LPP: variants seen among roughly 807,000 people sequenced by gnomAD.
LPP encodes lipoma-preferred partner.
LPP carries 38 observed loss-of-function variants against 60.4 expected under a neutral mutation model. The ratio of observed to expected loss-of-function variants is 0.63; its 90% CI spans 0.49 to 0.83. The LOEUF is 0.83. Ranked by LOEUF, LPP falls within the 40% of genes least tolerant of loss-of-function variation. The pLI is 0.00. For synonymous variants in LPP, 328 were observed against 290.8 expected (o/e 1.13, Z -1.30); for missense variants, 902 against 783.6 (o/e 1.15, Z -1.80).
chr3:188,351,528 A>G (rs914707595), intron 3 of LPP, among the ~76,000 whole-genome samples: 1 of 152,302 alleles, frequency 6.6e-6, no homozygotes, highest in Non-Finnish European at 1.5e-5. Context: ...GCTGTATTAA[A>G]CAGATGGAAA....
chr3:188,495,178 A>T (rs75071169), intron 5 of LPP, among the ~76,000 whole-genome samples: 2 of 7,744 alleles, frequency 2.6e-4, no homozygotes, highest in East Asian at 0.029. Flanking sequence ...ATATTTATAA[A>T]TATATAATAT....
chr3:188,727,597 C>A (rs2889906), intron 8 of LPP, among the ~76,000 whole-genome samples: 4 of 152,060 alleles, frequency 2.6e-5, no homozygotes, highest in Middle Eastern at 6.8e-3. Flanking sequence ...AAATAGAACC[C>A]TAACCTTGAA....
intron 7 of LPP, among the ~76,000 whole-genome samples, chr3:188,705,960 A>C (rs989803835): frequency 3.3e-5 from 5 of 152,108 alleles, no homozygotes; most frequent in Non-Finnish European, 7.4e-5. Flanking sequence ...TCTTACCCCC[A>C]CTAGACTGCA....
At position 188,885,034 on chromosome 3, in the gene LPP, A is replaced by G; in HGVS notation, c.*10555A>G. ...AAAACCTCCTAGAAAGTCTCCATGT[A>G]TGCTCTAGAAGTTGCTCTACGTAAC... On this transcript the variant is annotated 3_prime_UTR_variant, in exon 12 of 12. Coordinates refer to ENST00000617246, the MANE Select transcript of LPP (RefSeq NM_001375462.1). The G allele has an allele frequency of 4.7e-6, 1 of 213,782 alleles. No individual in the cohort carries two copies. The highest frequency in any genetic ancestry group is 9.5e-6 in the Non-Finnish European group (1 of 105,678). 13.2% of individuals were successfully genotyped at this position (213,782 alleles called of 1,614,324 possible). A position where few individuals can be genotyped will look rare whatever the true frequency, so the allele number is the denominator to read the frequency against.
intron 3 of LPP, among the ~76,000 whole-genome samples, chr3:188,377,979 CCT>C (rs1388293403): frequency 6.6e-6 from 1 of 152,114 alleles, no homozygotes; most frequent in Non-Finnish European, 1.5e-5. Context: ...CACTCCAGTC[CCT>C]GTTTGTCTAA....
In LPP at chr3:188,260,534, G is replaced by T. The variant is rs528377098; in HGVS notation, c.-67+35007G>T. On this transcript the variant is annotated intron_variant, in intron 2 of 11. Coordinates refer to ENST00000617246, the MANE Select transcript of LPP (RefSeq NM_001375462.1). ...ATCACCATTGTCACTGATAGAAATT[G>T]TCACTATTGTCACTGATAGAAACCA... Among the ~76,000 whole-genome samples the T allele has an allele frequency of 3.2e-3, 492 of 152,026 alleles. 7 individuals are homozygous for T. Among genetic ancestry groups the T allele is most frequent in the Non-Finnish European group, 3.7e-3 (254 of 67,990 alleles).
intron 6 of LPP, among the ~76,000 whole-genome samples, chr3:188,581,049 C>T (rs571373870): frequency 6.6e-6 from 1 of 152,202 alleles, no homozygotes; most frequent in South Asian, 2.1e-4. Flanking sequence ...AAAACACCTT[C>T]CCAGCCACAT....
intron 3 of LPP, among the ~76,000 whole-genome samples, chr3:188,389,808 C>CAA (rs56398215): frequency 1.9e-4 from 25 of 132,078 alleles, no homozygotes; most frequent in East Asian, 6.7e-4. Flanking sequence ...GACTCCGTCT[C>CAA]AAAAAAAAAA....
At chr3:188,669,703 C>T (rs1856572288) in intron 7 of LPP, among the ~76,000 whole-genome samples, 1 of 152,156 alleles carries the variant, frequency 6.6e-6, no homozygotes, top group African/African-American at 2.4e-5. Flanking sequence ...GTGGCAATTC[C>T]TCAAGGATCT....
chr3:188,409,592 A>C (rs1406001085), intron 4 of LPP, among the ~76,000 whole-genome samples: 1 of 152,116 alleles, frequency 6.6e-6, no homozygotes, highest in Non-Finnish European at 1.5e-5. Context: ...AATGTTCTAT[A>C]CTCTCAGTGA....
At chr3:188,730,036 A>G (rs570004508) in intron 8 of LPP, among the ~76,000 whole-genome samples, 1 of 152,316 alleles carries the variant, frequency 6.6e-6, no homozygotes, top group East Asian at 1.9e-4. Flanking sequence ...ATTCAACTAA[A>G]AAATGGCCAT....
At chr3:188,793,469 A>G (rs1011352231) in intron 9 of LPP, among the ~76,000 whole-genome samples, 32 of 152,114 alleles carry the variant, frequency 2.1e-4, no homozygotes, top group Non-Finnish European at 2.2e-4. Flanking sequence ...AGCATGAGCC[A>G]CCATGCCCGG....
At chr3:188,288,490 C>T (rs1744746029) in intron 2 of LPP, among the ~76,000 whole-genome samples, 1 of 149,176 alleles carries the variant, frequency 6.7e-6, no homozygotes, top group South Asian at 2.2e-4. Context: ...AACTAGTCTT[C>T]CAGCCTCCAG....
chr3:188,655,894 A>T (rs1853085490), intron 7 of LPP, among the ~76,000 whole-genome samples: 1 of 152,046 alleles, frequency 6.6e-6, no homozygotes, highest in South Asian at 2.1e-4. Flanking sequence ...ATCTCACATT[A>T]AAAAAACACT....
intron 6 of LPP, among the ~76,000 whole-genome samples, chr3:188,591,976 G>A (rs748397103): frequency 5.9e-5 from 9 of 152,316 alleles, no homozygotes; most frequent in Middle Eastern, 6.8e-3. Flanking sequence ...GGAGGTGGGA[G>A]CTGACATTTT....
chr3:188,495,064 T>TTATATATATACATATA (rs1553913525), intron 5 of LPP, among the ~76,000 whole-genome samples: 1 of 53,880 alleles, frequency 1.9e-5, no homozygotes. Context: ...GTTCAGGATT[T>TTATATATATACATATA]TATATATATA....
intron 2 of LPP, among the ~76,000 whole-genome samples, chr3:188,316,135 A>T (rs1394646020): frequency 6.6e-6 from 1 of 152,162 alleles, no homozygotes; most frequent in East Asian, 1.9e-4. Context: ...AAAACCAGCC[A>T]GGCATGGTGG....
intron 9 of LPP, among the ~76,000 whole-genome samples, chr3:188,856,375 T>C (rs919636271): frequency 1.3e-5 from 2 of 152,218 alleles, no homozygotes; most frequent in Non-Finnish European, 2.9e-5. Flanking sequence ...GTATGGGTAC[T>C]TGTGTATATA....
chr3:188,836,498 G>T (rs1331240554), intron 9 of LPP, among the ~76,000 whole-genome samples: 1 of 152,150 alleles, frequency 6.6e-6, no homozygotes, highest in Non-Finnish European at 1.5e-5. Flanking sequence ...GACAAGAGTG[G>T]CATCCGTGGT....
Sources: allele counts gnomAD v4.1 joint callset (sites outside exome capture counted in the v4.1 genomes callset), GRCh38; gene constraint gnomAD v4.1.1; transcripts MANE v1.5; gene names NCBI Gene and HGNC (gene_info 2026-07-23, HGNC 2026-07-21).